Variants in OPCML observed in about 807,000 individuals in gnomAD.
OPCML encodes opioid binding protein/cell adhesion molecule like.
OPCML carries 13 observed loss-of-function variants against 37.8 expected under a neutral mutation model. The ratio of observed to expected loss-of-function variants is 0.34; its 90% CI spans 0.22 to 0.55. OPCML has a LOEUF of 0.55. Ranked by LOEUF, OPCML falls within the 20% of genes least tolerant of loss-of-function variation. OPCML has a pLI of 0.91. For missense variants in OPCML, 341 were observed against 435.6 expected (o/e 0.78, Z 1.93); for synonymous variants, 176 against 168.8 (o/e 1.04, Z -0.33).
chr11:132,569,011 G>T (rs2096431053), intron 3 of OPCML, among the ~76,000 whole-genome samples: 1 of 152,202 alleles, frequency 6.6e-6, no homozygotes, highest in South Asian at 2.1e-4. Context: ...TGGTAAATGT[G>T]CAGATACAGG....
At chr11:133,088,348 TA>T (rs1236891700) in intron 1 of OPCML, among the ~76,000 whole-genome samples, 3 of 152,218 alleles carry the variant, frequency 2.0e-5, no homozygotes, top group Admixed American at 6.5e-5. Context: ...ATCATTTCCA[TA>T]AGCCACCATT....
intron 2 of OPCML, among the ~76,000 whole-genome samples, chr11:132,836,942 G>T (rs1370077426): frequency 6.6e-6 from 1 of 152,122 alleles, no homozygotes; most frequent in African/African-American, 2.4e-5. Flanking sequence ...TGCCAAAGGA[G>T]CCACAAGAAA....
intron 3 of OPCML, among the ~76,000 whole-genome samples, chr11:132,654,544 C>A (rs1348251969): frequency 6.6e-6 from 1 of 151,920 alleles, no homozygotes; most frequent in Non-Finnish European, 1.5e-5. Context: ...AAGCTCCTCC[C>A]CAAGAGAAGG....
chr11:133,337,668 A>G (rs777721117), intron 1 of OPCML, among the ~76,000 whole-genome samples: 21 of 152,150 alleles, frequency 1.4e-4, no homozygotes, highest in Non-Finnish European at 2.8e-4. Context: ...GGGCACTTTT[A>G]CAGCAGACTT....
intron 2 of OPCML, among the ~76,000 whole-genome samples, chr11:132,736,006 T>C (rs562747360): frequency 7.2e-5 from 11 of 152,094 alleles, no homozygotes; most frequent in Non-Finnish European, 1.5e-4. Flanking sequence ...CATGGAGAAA[T>C]AGCCCAGGCC....
rs200556183 is a variant in OPCML at position 132,610,706 on chromosome 11, T to A, written c.379+46381A>T. On this transcript the variant is annotated intron_variant, in intron 3 of 7. Coordinates refer to ENST00000524381, the MANE Select transcript of OPCML (RefSeq NM_001012393.5). ...GGAGACTCTGGCCAGACATTTCATT[T>A]GAAAACTGTCATTTTACAAATGTTT... Among the ~76,000 whole-genome samples, 7 of 152,202 alleles carry A rather than the reference T, an allele frequency of 4.6e-5. No homozygotes were observed. In the East Asian group the frequency reaches 1.3e-3, roughly 29 times the overall value.
At chr11:132,559,858 G>GT (rs2096406698) in intron 3 of OPCML, among the ~76,000 whole-genome samples, 1 of 152,190 alleles carries the variant, frequency 6.6e-6, no homozygotes, top group Non-Finnish European at 1.5e-5. Flanking sequence ...ATGCCTCCTG[G>GT]TTTTAAAACC....
chr11:132,957,047 C>T (rs941517546), intron 1 of OPCML, among the ~76,000 whole-genome samples: 4 of 152,230 alleles, frequency 2.6e-5, no homozygotes, highest in Non-Finnish European at 4.4e-5. Flanking sequence ...GGGAGGATCA[C>T]TTGAGTCCAG....
chr11:133,144,017 G>C (rs551380151), intron 1 of OPCML, among the ~76,000 whole-genome samples: 96 of 152,286 alleles, frequency 6.3e-4, no homozygotes, highest in Middle Eastern at 3.4e-3. Flanking sequence ...TTCATGTCTG[G>C]ATGTGAAGAG....
chr11:133,037,067 C>A lies in OPCML; in HGVS notation c.62-94057G>T, dbSNP rs189216017. 2.9e-3 allele frequency among the ~76,000 whole-genome samples: 448 copies of A among 152,170 alleles called. 1 individual carries two copies. The highest frequency in any genetic ancestry group is 9.3e-3 in the African/African-American group (386 of 41,510). On this transcript the variant is annotated intron_variant, in intron 1 of 7. Transcript: ENST00000524381. The stretch of plus-strand genomic sequence containing the variant: ...CCTGACCACACTGTATGGTCCCAAT[C>A]GAAAACATACAAACCAGGCTATCCA...
At chr11:133,261,644 G>A (rs185964017) in intron 1 of OPCML, among the ~76,000 whole-genome samples, 36 of 152,342 alleles carry the variant, frequency 2.4e-4, no homozygotes, top group African/African-American at 7.9e-4. Flanking sequence ...TTTGTTCGCT[G>A]TCATATCCTC....
At position 133,136,379 on chromosome 11, in the gene OPCML, T is replaced by C. The variant is rs566977277; in HGVS notation, c.62-193369A>G. Among the ~76,000 whole-genome samples, 193 of 63,248 alleles carry C rather than the reference T, an allele frequency of 3.1e-3. 3 individuals carry two copies. The highest frequency in any genetic ancestry group is 8.3e-3 in the African/African-American group (181 of 21,822). 41.5% of individuals were successfully genotyped at this position (63,248 alleles called of 152,430 possible). A position where few individuals can be genotyped will look rare whatever the true frequency, so the allele number is the denominator to read the frequency against. ...GCTTTTAGTGCAGAGCCCCAACTTT[T>C]TTCCCCACTTTCTAGAAGATGGAGT... is the stretch of plus-strand genomic sequence containing the variant. On this transcript the variant is annotated intron_variant, in intron 1 of 7. Coordinates refer to ENST00000524381, the MANE Select transcript of OPCML (RefSeq NM_001012393.5).
intron 1 of OPCML, among the ~76,000 whole-genome samples, chr11:133,204,878 A>ATATATATATATATATATGTG (rs1565502211): frequency 3.9e-5 from 1 of 25,954 alleles, no homozygotes; most frequent in Non-Finnish European, 9.5e-5. Flanking sequence ...GTATATATAT[A>ATATATATATATATATATGTG]TATATATATA....
At chr11:132,980,915 G>T (rs911808378) in intron 1 of OPCML, among the ~76,000 whole-genome samples, 1 of 152,170 alleles carries the variant, frequency 6.6e-6, no homozygotes, top group African/African-American at 2.4e-5. Flanking sequence ...TAAGAAATGC[G>T]CCATTAGGCA....
intron 2 of OPCML, among the ~76,000 whole-genome samples, chr11:132,720,008 C>T (rs1306493967): frequency 6.6e-6 from 1 of 152,236 alleles, no homozygotes; most frequent in Non-Finnish European, 1.5e-5. Flanking sequence ...CAAGGACCAG[C>T]AGAGAGAAGG....
chr11:133,502,206 G>A (rs531291145), intron 1 of OPCML, among the ~76,000 whole-genome samples: 18 of 152,280 alleles, frequency 1.2e-4, no homozygotes, highest in Admixed American at 7.2e-4. Context: ...GGAGCACCAC[G>A]TGAACTCTGG....
rs375784742 is a variant in OPCML at position 132,846,108 on chromosome 11, G to A, written c.146+96818C>T. ...TTTCCATAAAGCATCAAACACTCGG[G>A]GGGAAATTCATTTACAGTCTCCTTT... is the stretch of plus-strand genomic sequence containing the variant. On this transcript the variant is annotated intron_variant, in intron 2 of 7. Transcript: ENST00000524381. Among the ~76,000 whole-genome samples the A allele has an allele frequency of 1.9e-4, 29 of 152,302 alleles. 1 individual carries two copies. Among genetic ancestry groups the A allele is most frequent in the African/African-American group, 6.7e-4 (28 of 41,560 alleles).
rs556588054 is a variant in OPCML at position 132,521,417 on chromosome 11, A to T, written c.505+7644T>A. ...TTTGTCAATTTTGGCTTTTCTTTCA[A>T]TTGCTTTTGGTGTTTTAGTACACCA... On this transcript the variant is annotated intron_variant, in intron 4 of 7. Coordinates refer to ENST00000524381, the MANE Select transcript of OPCML (RefSeq NM_001012393.5). 3.3e-5 allele frequency among the ~76,000 whole-genome samples: 5 copies of T among 152,224 alleles called. No homozygotes were observed. In the South Asian group the frequency reaches 1.0e-3, roughly 32 times the overall value.
intron 2 of OPCML, among the ~76,000 whole-genome samples, chr11:132,916,421 G>A (rs916367518): frequency 9.9e-5 from 15 of 152,142 alleles, no homozygotes; most frequent in Non-Finnish European, 1.6e-4. Flanking sequence ...CTGTGGATGC[G>A]CTGGCACTCT....
Sources: allele counts gnomAD v4.1 joint callset (sites outside exome capture counted in the v4.1 genomes callset), GRCh38; gene constraint gnomAD v4.1.1; transcripts MANE v1.5; gene names NCBI Gene and HGNC (gene_info 2026-07-23, HGNC 2026-07-21).